Variants in MARF1 observed in about 807,000 individuals in gnomAD.
MARF1 encodes the protein limkain-b1.
A neutral mutation model predicts 168.2 loss-of-function variants in MARF1; 24 were observed. The observed-to-expected ratio is 0.14, with a 90% CI of 0.10 to 0.20. MARF1 has a LOEUF of 0.20. MARF1 is among the 10% of genes least tolerant of loss of function. MARF1 has a pLI of 1.00. For missense variants in MARF1, 1,744 were observed against 2,143.6 expected (o/e 0.81, Z 3.68); for synonymous variants, 868 against 822.4 (o/e 1.06, Z -0.95).
At position 15,621,887 on chromosome 16, in the gene MARF1, G is replaced by C; in HGVS notation, c.2485C>G (p.His829Asp). 6.2e-7 allele frequency: 1 copy of C among 1,614,092 alleles called. No homozygotes were observed. The highest frequency in any genetic ancestry group is 8.5e-7 in the Non-Finnish European group (1 of 1,179,996). Reference protein sequence around the residue: ...GKVKSVELSPHTDYQLKAVVQ... With the variant: ...GKVKSVELSPDTDYQLKAVVQ... ...ACAGCCTTGAGTTGATAATCTGTAT[G>C]GGGGCTGAGCTCAACACTCTTCACC... is the stretch of plus-strand genomic sequence containing the variant. The change falls in exon 12 of 27, where the codon CAT (histidine) becomes GAT (aspartate). Residue 829 changes from histidine to aspartate, a missense_variant. His to Asp is a moderately conservative substitution (Grantham distance 81, BLOSUM62 -1). This residue lies in a region of MARF1 where 543 missense variants were observed against 742.1 expected (regional missense o/e 0.73). Coordinates refer to ENST00000396368, the MANE Select transcript of MARF1 (RefSeq NM_014647.4).
Position 15,636,279 on chromosome 16 carries a change from C to T in MARF1, c.208G>A (p.Ala70Thr). 6.2e-7 allele frequency: 1 copy of T among 1,611,750 alleles called. No homozygotes were observed. Among genetic ancestry groups the T allele is most frequent in the South Asian group, 1.1e-5 (1 of 90,734 alleles). Reference protein sequence around the residue: ...ELKDVPSPLHAGSKLFPAVPL... With the variant: ...ELKDVPSPLHTGSKLFPAVPL... ...ACTGCTGGAAAAAGCTTAGAGCCAGCATGAAGGGGTGATGGTACATCCTTT... is the reference window on the plus strand; with the variant it reads ...ACTGCTGGAAAAAGCTTAGAGCCAGTATGAAGGGGTGATGGTACATCCTTT... The change falls in exon 3 of 27, where the codon GCT becomes ACT. Residue 70 changes from alanine to threonine, a missense_variant. Ala to Thr is a moderately conservative substitution (Grantham distance 58). Transcript: ENST00000396368.
intron 11 of MARF1, among the ~76,000 whole-genome samples, chr16:15,622,517 A>G (rs2034536067): frequency 6.6e-6 from 1 of 151,746 alleles, no homozygotes; most frequent in Admixed American, 6.6e-5. Flanking sequence ...TTAGCCTCCT[A>G]AGGAGCTGGG....
At chr16:15,602,513 AAGAAGACGAAGACGACGATAAAG>A in intron 22 of MARF1, 1 of 480,672 alleles carries the variant, frequency 2.1e-6, no homozygotes, top group Non-Finnish European at 3.7e-6. Context: ...GACGACGATG[AAGAAGACGAAGACGACGATAAAG>A]AAGACGAAGA....
Position 15,598,990 on chromosome 16 carries a change from C to T in MARF1, c.4848G>A (p.Leu1616=), listed in dbSNP as rs759594402. Residue 1616 remains leucine (L), a synonymous_variant, in exon 26 of 27, where the codon CTG becomes CTA. Transcript: ENST00000396368. Reference sequence around the variant, plus strand: ...GGAGGTCGACGGGGGAGTCGTCGGTCAGGCGGAGAAGCTCCTGCTCTGTGT... The same window carrying T: ...GGAGGTCGACGGGGGAGTCGTCGGTTAGGCGGAGAAGCTCCTGCTCTGTGT... ...PSHTEQELLR[L]TDDSPVDLLC... 7 of 1,611,332 alleles carry T rather than the reference C, an allele frequency of 4.3e-6. No individual in the cohort carries two copies. The highest frequency in any genetic ancestry group is 1.7e-4 in the Middle Eastern group (1 of 6,022).
rs1412359785 is a variant in MARF1, at chr16:15,633,805, T to A, written c.1045A>T (p.Asn349Tyr). 3 of 1,613,818 alleles carry A rather than the reference T, an allele frequency of 1.9e-6. No individual in the cohort carries two copies. In the African/African-American group the frequency reaches 4.0e-5, roughly 22 times the overall value. Residue 349 changes from asparagine (N) to tyrosine (Y), a missense_variant, in exon 5 of 27, where the codon AAC becomes TAC. This residue lies in a region of MARF1 where 217 missense variants were observed against 372.4 expected (regional missense o/e 0.58). Transcript: ENST00000396368. ...EVAVAGQVLE[N>Y]LPPIGVFWDI... ...CAAAAAACTCCAATGGGGGGTAAGT[T>A]TTCTAGCACCTGTCCAGCTACTGCA...
In MARF1 at chr16:15,608,464, T is replaced by C. The variant is rs1332683652; in HGVS notation, c.4009A>G (p.Lys1337Glu). 6.2e-7 allele frequency: 1 copy of C among 1,614,206 alleles called. No individual in the cohort carries two copies. Among genetic ancestry groups the C allele is most frequent in the Non-Finnish European group, 8.5e-7 (1 of 1,180,024 alleles). Reference protein sequence around the residue: ...ILTLTEVERFKALAAQFVKLL... With the variant: ...ILTLTEVERFEALAAQFVKLL... Reference sequence around the variant, plus strand: ...TTAACAAACTGGGCAGCTAGAGCTTTGAACCGCTCCACCTCTGTCAGAGTA... The same window carrying C: ...TTAACAAACTGGGCAGCTAGAGCTTCGAACCGCTCCACCTCTGTCAGAGTA... Residue 1337 changes from lysine (K) to glutamate (E), a missense_variant, in exon 21 of 27, where the codon AAA (lysine) becomes GAA (glutamate). Lys to Glu is a moderately conservative substitution (Grantham distance 56, BLOSUM62 1). Transcript: ENST00000396368.
At chr16:15,607,200 C>G (rs532302422) in intron 21 of MARF1, among the ~76,000 whole-genome samples, 3 of 152,146 alleles carry the variant, frequency 2.0e-5, no homozygotes, top group African/African-American at 7.2e-5. Context: ...GAGCTCTGAG[C>G]GTTCCTACCT....
In MARF1 at chr16:15,600,567, A is replaced by G. The variant is rs2032317311; in HGVS notation, c.4688-14T>C. On this transcript the variant is annotated splice_polypyrimidine_tract_variant and intron_variant, in intron 24 of 26. Coordinates refer to ENST00000396368, the MANE Select transcript of MARF1 (RefSeq NM_014647.4). ...AACTCAAACGACCTACAGGACAAAG[A>G]GCACCCGTCAGAGAGAAATGTCAGT... is the stretch of plus-strand genomic sequence containing the variant. 1 of 1,614,076 alleles carries G rather than the reference A, an allele frequency of 6.2e-7. No individual in the cohort carries two copies. Among genetic ancestry groups the G allele is most frequent in the Non-Finnish European group, 8.5e-7 (1 of 1,180,062 alleles).
chr16:15,636,588 G>C (rs1016715371), intron 2 of MARF1, among the ~76,000 whole-genome samples: 10 of 152,170 alleles, frequency 6.6e-5, no homozygotes, highest in African/African-American at 2.4e-4. Context: ...GAAACAGACT[G>C]GGGTGGGAGG....
rs762049557 is a variant in MARF1, at chr16:15,594,556, A to C, written c.*2137T>G. 5 of 152,632 alleles carry C rather than the reference A, an allele frequency of 3.3e-5. No individual in the cohort carries two copies. The highest frequency in any genetic ancestry group is 7.3e-5 in the Non-Finnish European group (5 of 68,040). The allele number at this position is 152,632 out of a possible 1,614,324, so 9.5% of individuals were successfully genotyped here. A position where few individuals can be genotyped will look rare whatever the true frequency, so the allele number is the denominator to read the frequency against. ...CAAGATGGGAAAGGGGGTTTTGGTG[A>C]TAACTTTTGTCATTTTTTTAAACAG... is the stretch of plus-strand genomic sequence containing the variant. On this transcript the variant is annotated 3_prime_UTR_variant, in exon 27 of 27. Coordinates refer to ENST00000396368, the MANE Select transcript of MARF1 (RefSeq NM_014647.4).
chr16:15,632,767 A>G (rs1010389378), intron 5 of MARF1, among the ~76,000 whole-genome samples: 1 of 152,208 alleles, frequency 6.6e-6, no homozygotes, highest in Admixed American at 6.5e-5. Flanking sequence ...GACTATCAAT[A>G]TAATTAATTA....
intron 1 of MARF1, among the ~76,000 whole-genome samples, chr16:15,641,003 G>A (rs2035912959): frequency 6.6e-6 from 1 of 152,194 alleles, no homozygotes; most frequent in Non-Finnish European, 1.5e-5. Context: ...ACTGAGGTAG[G>A]AGGATCTCTT....
At chr16:15,614,425 G>C (rs1181903387) in intron 16 of MARF1, among the ~76,000 whole-genome samples, 1 of 143,560 alleles carries the variant, frequency 7.0e-6, no homozygotes, top group Non-Finnish European at 1.5e-5. Flanking sequence ...GGAGCTTGCA[G>C]TGAGCTGAGA....
intron 15 of MARF1, chr16:15,616,779 A>G (rs899741975): frequency 2.6e-6 from 1 of 386,798 alleles, no homozygotes; most frequent in Non-Finnish European, 4.6e-6. Flanking sequence ...ACTGTGAGCA[A>G]CTATAACACA....
At chr16:15,601,651 G>C (rs2032440695) in intron 23 of MARF1, 1 of 400,782 alleles carries the variant, frequency 2.5e-6, no homozygotes, top group South Asian at 3.2e-5. Context: ...CCAGGCTTGG[G>C]AAGTGGGCCC....
chr16:15,602,291 C>T, intron 22 of MARF1, 88 bp from the exon 23 acceptor site: 2 of 1,048,336 alleles, frequency 1.9e-6, no homozygotes, highest in East Asian at 4.7e-5. Flanking sequence ...GGGAAAAGGC[C>T]CAGAGTTGAA....
intron 1 of MARF1, chr16:15,642,397 TAATA>T (rs1032526370): frequency 1.3e-5 from 2 of 152,164 alleles, no homozygotes; most frequent in African/African-American, 4.8e-5. Flanking sequence ...GAATAAAGCT[TAATA>T]AATAGGAAAA....
At chr16:15,640,969 C>A (rs865856871) in intron 1 of MARF1, among the ~76,000 whole-genome samples, 8 of 152,152 alleles carry the variant, frequency 5.3e-5, no homozygotes, top group African/African-American at 9.7e-5. Flanking sequence ...TGGCAGCATG[C>A]GCCTAGTCCC....
intron 15 of MARF1, among the ~76,000 whole-genome samples, chr16:15,616,423 T>G (rs1041445028): frequency 6.6e-6 from 1 of 152,228 alleles, no homozygotes; most frequent in Non-Finnish European, 1.5e-5. Flanking sequence ...TATTTGAAGC[T>G]GTGTACTCTC....
Sources: allele counts gnomAD v4.1 joint callset (sites outside exome capture counted in the v4.1 genomes callset), GRCh38; gene constraint gnomAD v4.1.1; regional missense constraint gnomAD v4.1.1; transcripts MANE v1.5; gene names NCBI Gene and HGNC (gene_info 2026-07-23, HGNC 2026-07-21).